The following PTPRE variants were observed in gnomAD, a reference collection of about 807,000 sequenced individuals.
PTPRE encodes receptor-type tyrosine-protein phosphatase epsilon.
PTPRE carries 51 observed loss-of-function variants against 102.0 expected under a neutral mutation model. The ratio of observed to expected loss-of-function variants is 0.50; its 90% CI spans 0.40 to 0.63. The LOEUF (loss-of-function observed/expected upper bound fraction) is 0.63, where lower values mean the gene tolerates loss of function less well. Ranked by LOEUF, PTPRE falls within the 30% of genes least tolerant of loss-of-function variation. PTPRE has a pLI of 0.00. For missense variants in PTPRE, 752 were observed against 915.1 expected, an observed-to-expected ratio of 0.82 and a Z score of 2.30; for synonymous variants, 345 against 348.2, an observed-to-expected ratio of 0.99 and a Z score of 0.10.
chr10:127,961,091 C>T (rs4520508), intron 1 of PTPRE, among the ~76,000 whole-genome samples: 23,502 of 151,702 alleles, frequency 0.15, 2,343 homozygotes, highest in East Asian at 0.34. Context: ...TGCATTCAGA[C>T]GATGCCAAGG....
At chr10:127,992,582 T>C (rs1425969311) in intron 2 of PTPRE, among the ~76,000 whole-genome samples, 1 of 152,044 alleles carries the variant, frequency 6.6e-6, no homozygotes, top group African/African-American at 2.4e-5. Flanking sequence ...CCAACGCTCC[T>C]GGGCCTCGGG....
At chr10:128,004,513 C>A (rs1854317537) in intron 2 of PTPRE, among the ~76,000 whole-genome samples, 1 of 152,092 alleles carries the variant, frequency 6.6e-6, no homozygotes, top group Admixed American at 6.5e-5. Flanking sequence ...AGTATGGGAC[C>A]TTTTGTGTCT....
intron 6 of PTPRE, among the ~76,000 whole-genome samples, chr10:128,055,202 C>G (rs546542753): frequency 8.1e-4 from 123 of 152,276 alleles, no homozygotes; most frequent in African/African-American, 2.8e-3. Flanking sequence ...TGTCAAAGGA[C>G]AGGACTCAGG....
At chr10:128,066,766 A>G (rs1253878504) in intron 11 of PTPRE, among the ~76,000 whole-genome samples, 2 of 152,376 alleles carry the variant, frequency 1.3e-5, no homozygotes, top group East Asian at 3.9e-4. Flanking sequence ...ATTAGGTCAC[A>G]AAATAAGTGT....
At chr10:128,017,014 G>T (rs1845490091) in intron 2 of PTPRE, among the ~76,000 whole-genome samples, 1 of 152,218 alleles carries the variant, frequency 6.6e-6, no homozygotes, top group Non-Finnish European at 1.5e-5. Flanking sequence ...ATCTTGGAAA[G>T]TGTAAGGCAG....
At chr10:127,945,553 A>G (rs1240415915) in intron 1 of PTPRE, among the ~76,000 whole-genome samples, 8 of 152,220 alleles carry the variant, frequency 5.3e-5, no homozygotes, top group Admixed American at 1.3e-4. Context: ...CTTCCTCTAC[A>G]GGAATGGGGT....
intron 2 of PTPRE, among the ~76,000 whole-genome samples, chr10:127,986,062 G>C (rs1201011816): frequency 1.3e-5 from 2 of 152,158 alleles, no homozygotes; most frequent in African/African-American, 4.8e-5. Context: ...CTGCACTCCA[G>C]CCTGGGTGAA....
At chr10:128,003,378 A>T (rs1407564778) in intron 2 of PTPRE, among the ~76,000 whole-genome samples, 2 of 152,164 alleles carry the variant, frequency 1.3e-5, no homozygotes, top group Non-Finnish European at 2.9e-5. Flanking sequence ...GGGAAAAGAG[A>T]TGTTAAAAAA....
rs778440552 is a variant in PTPRE, at chr10:128,070,793, C to T, written c.1294-15C>T. The T allele has an allele frequency of 6.2e-7, 1 of 1,608,778 alleles. No individual in the cohort carries two copies. On this transcript the variant is annotated splice_polypyrimidine_tract_variant and intron_variant, in intron 14 of 20. Coordinates refer to ENST00000254667, the MANE Select transcript of PTPRE (RefSeq NM_006504.6). The surrounding 1 kb of genome is among the most constrained non-coding windows in gnomAD (Gnocchi z 4.8). Reference sequence around the variant, plus strand: ...CAGAGGTTTAACTGTGTCATTATATCCTTCTCTGCTGCAGAAATTGACAAA... The same window carrying T: ...CAGAGGTTTAACTGTGTCATTATATTCTTCTCTGCTGCAGAAATTGACAAA...
intron 1 of PTPRE, among the ~76,000 whole-genome samples, chr10:127,979,826 GCTGCCAC>G (rs1851468611): frequency 6.6e-6 from 1 of 152,212 alleles, no homozygotes; most frequent in African/African-American, 2.4e-5. Context: ...ACTCAAGCCT[GCTGCCAC>G]TGTCTGCAGC....
At chr10:127,929,972 G>T (rs1400512683) in intron 1 of PTPRE, among the ~76,000 whole-genome samples, 4 of 149,810 alleles carry the variant, frequency 2.7e-5, no homozygotes, top group African/African-American at 9.8e-5. Context: ...CAGGAGAATT[G>T]CTTGAACCCG....
chr10:127,954,295 C>T (rs1379047424), intron 1 of PTPRE, among the ~76,000 whole-genome samples: 1 of 152,208 alleles, frequency 6.6e-6, no homozygotes, highest in Non-Finnish European at 1.5e-5. Context: ...CAGAGATCAA[C>T]ATGGGGTCCC....
chr10:127,913,123 G>T (rs923510845), intron 1 of PTPRE, among the ~76,000 whole-genome samples: 1 of 152,128 alleles, frequency 6.6e-6, no homozygotes, highest in Non-Finnish European at 1.5e-5. Flanking sequence ...GCATGATGCC[G>T]CCAAGGCAGC....
intron 2 of PTPRE, among the ~76,000 whole-genome samples, chr10:128,038,394 C>A (rs951065894): frequency 2.6e-5 from 4 of 152,172 alleles, no homozygotes; most frequent in Non-Finnish European, 5.9e-5. Context: ...ATAGCAAAGA[C>A]TTGGAACCAA....
chr10:127,997,904 G>A (rs1044947124), intron 2 of PTPRE, among the ~76,000 whole-genome samples: 2 of 152,172 alleles, frequency 1.3e-5, no homozygotes, highest in African/African-American at 4.8e-5. Context: ...ATTTACACCA[G>A]CAGACACGGA....
chr10:128,072,214 C>T lies in PTPRE; in HGVS notation c.1464C>T (p.Asp488=), dbSNP rs571645848. 57 of 1,612,498 alleles carry T rather than the reference C, an allele frequency of 3.5e-5. No homozygotes were observed. Among genetic ancestry groups the T allele is most frequent in the East Asian group, 6.7e-5 (3 of 44,864 alleles). The change falls in exon 16 of 21, where the codon GAC becomes GAT. Residue 488 remains aspartate, a splice_region_variant and synonymous_variant. Transcript: ENST00000254667. The part of the protein sequence containing the change: ...YTDYINASFI[D]GYRQKDYFIA... ...ACTACATCAACGCATCCTTCATAGA[C>T]GTACGTATGCTGGCCTGGGTTGTGT...
intron 1 of PTPRE, among the ~76,000 whole-genome samples, chr10:127,937,680 G>A (rs368310432): frequency 6.6e-6 from 1 of 150,650 alleles, no homozygotes. Flanking sequence ...CCAACATGGT[G>A]AAACCCCATC....
At chr10:128,081,003 C>T (rs7912319) in intron 20 of PTPRE, among the ~76,000 whole-genome samples, 11,034 of 152,160 alleles carry the variant, frequency 0.073, 496 homozygotes, top group East Asian at 0.15. Flanking sequence ...CTGCAGGTGC[C>T]TCCAGTTAGG....
At chr10:128,049,212 G>T (rs768244849) in intron 5 of PTPRE, among the ~76,000 whole-genome samples, 1 of 152,146 alleles carries the variant, frequency 6.6e-6, no homozygotes, top group African/African-American at 2.4e-5. Context: ...GAAGGAGCAG[G>T]GGCTGGAGGG....
Sources: gnomAD v4.1 joint callset for allele counts (sites outside exome capture counted in the v4.1 genomes callset) on GRCh38, gnomAD v4.1.1 for gene constraint, Gnocchi (gnomAD v3.1) non-coding constraint, MANE v1.5 for transcripts, NCBI Gene and HGNC (gene_info 2026-07-23, HGNC 2026-07-21) for gene names.